The following CDK6 variants were observed in gnomAD, a reference collection of about 807,000 sequenced individuals.
The protein encoded by CDK6 is cyclin dependent kinase 6, also known as cyclin-dependent kinase 6.
CDK6 carries 6 observed loss-of-function variants against 37.1 expected under a neutral mutation model. The observed-to-expected ratio is 0.16, with a 90% CI of 0.09 to 0.32. The LOEUF (loss-of-function observed/expected upper bound fraction) is 0.32. Among genes scored for constraint, CDK6 ranks in the 10% least tolerant of loss-of-function variants. The pLI, the probability that CDK6 is intolerant of heterozygous loss-of-function variation, is 1.00. For missense variants in CDK6, 224 were observed against 418.9 expected (o/e 0.53, Z 4.06); for synonymous variants, 160 against 161.3 (o/e 0.99, Z 0.06).
chr7:92,658,177 T>C (rs1796747817), intron 5 of CDK6, among the ~76,000 whole-genome samples: 1 of 152,202 alleles, frequency 6.6e-6, no homozygotes, highest in Non-Finnish European at 1.5e-5. Context: ...TTGAAACTTT[T>C]TGCAGGGTAA....
chr7:92,672,822 C>T (rs1218656081), intron 4 of CDK6, among the ~76,000 whole-genome samples: 1 of 152,116 alleles, frequency 6.6e-6, no homozygotes, highest in African/African-American at 2.4e-5. Context: ...TATTTTGATG[C>T]TATATTACTT....
intron 5 of CDK6, among the ~76,000 whole-genome samples, chr7:92,639,668 T>C (rs1455186979): frequency 1.3e-5 from 2 of 152,202 alleles, no homozygotes; most frequent in Non-Finnish European, 2.9e-5. Flanking sequence ...GTTGTTTCGT[T>C]GTTATGGGTA....
chr7:92,836,119 A>G (rs747046617), intron 1 of CDK6, among the ~76,000 whole-genome samples: 2 of 151,800 alleles, frequency 1.3e-5, no homozygotes, highest in Non-Finnish European at 2.9e-5. Context: ...TGAGTGTCCG[A>G]GTAGAGTTCC....
chr7:92,763,280 T>C (rs1403176490), intron 3 of CDK6, among the ~76,000 whole-genome samples: 2 of 152,246 alleles, frequency 1.3e-5, no homozygotes, highest in African/African-American at 2.4e-5. Context: ...TAAAAACCTA[T>C]GACTATGATA....
At chr7:92,754,050 C>A (rs1284412097) in intron 3 of CDK6, among the ~76,000 whole-genome samples, 1 of 152,154 alleles carries the variant, frequency 6.6e-6, no homozygotes, top group African/African-American at 2.4e-5. Flanking sequence ...TCATCACTGA[C>A]AATCTCTCCA....
chr7:92,666,367 A>G (rs111954107), intron 5 of CDK6, among the ~76,000 whole-genome samples: 1 of 152,336 alleles, frequency 6.6e-6, no homozygotes, highest in African/African-American at 2.4e-5. Flanking sequence ...CTGGCATACA[A>G]CAGTCACTCC....
intron 5 of CDK6, among the ~76,000 whole-genome samples, chr7:92,633,877 G>A (rs889498959): frequency 6.6e-6 from 1 of 152,110 alleles, no homozygotes; most frequent in South Asian, 2.1e-4. Context: ...TGATAGGAAT[G>A]TAGTGTAGCT....
At chr7:92,801,785 C>T (rs1230077389) in intron 2 of CDK6, among the ~76,000 whole-genome samples, 1 of 152,084 alleles carries the variant, frequency 6.6e-6, no homozygotes, top group Non-Finnish European at 1.5e-5. Context: ...TCATGCCTGG[C>T]TAATTTTTGT....
At chr7:92,764,380 G>A (rs139178920) in intron 3 of CDK6, among the ~76,000 whole-genome samples, 39 of 152,192 alleles carry the variant, frequency 2.6e-4, no homozygotes, top group African/African-American at 3.9e-4. Context: ...CAAGTGATGC[G>A]TCCTCCTTGG....
At chr7:92,718,998 A>AT (rs1284024989) in intron 4 of CDK6, among the ~76,000 whole-genome samples, 2 of 152,050 alleles carry the variant, frequency 1.3e-5, no homozygotes, top group African/African-American at 4.8e-5. Context: ...CATTTCATTG[A>AT]TTTTCTCCCC....
At position 92,816,511 on chromosome 7, in the gene CDK6, C is replaced by G. The variant is rs572112763; in HGVS notation, c.233+16580G>C. On this transcript the variant is annotated intron_variant, in intron 2 of 7. Coordinates refer to ENST00000424848, the MANE Select transcript of CDK6 (RefSeq NM_001145306.2). Reference sequence around the variant, plus strand: ...AGACAGAAAGAAATTAGAAAAATCCCTTACATGTTTGGAAATTTAAGAATC... The same window carrying G: ...AGACAGAAAGAAATTAGAAAAATCCGTTACATGTTTGGAAATTTAAGAATC... 7.2e-5 allele frequency among the ~76,000 whole-genome samples: 11 copies of G among 152,096 alleles called. No homozygotes were observed. In the South Asian group the frequency reaches 2.1e-3, roughly 29 times the overall value.
At chr7:92,811,921 G>A (rs1800896389) in intron 2 of CDK6, among the ~76,000 whole-genome samples, 1 of 152,164 alleles carries the variant, frequency 6.6e-6, no homozygotes, top group Non-Finnish European at 1.5e-5. Context: ...GGGAGGCTAA[G>A]GCTGGAGGAT....
At chr7:92,630,107 C>T (rs1031132763) in intron 5 of CDK6, among the ~76,000 whole-genome samples, 5 of 152,002 alleles carry the variant, frequency 3.3e-5, no homozygotes, top group African/African-American at 1.2e-4. Context: ...GTCAGTAACA[C>T]GTCCTTCTTC....
At chr7:92,793,258 T>C (rs1800326051) in intron 2 of CDK6, among the ~76,000 whole-genome samples, 1 of 152,024 alleles carries the variant, frequency 6.6e-6, no homozygotes, top group African/African-American at 2.4e-5. Flanking sequence ...GATCCTAGAC[T>C]TCATATGATA....
At chr7:92,807,153 T>G (rs1800746687) in intron 2 of CDK6, among the ~76,000 whole-genome samples, 1 of 152,158 alleles carries the variant, frequency 6.6e-6, no homozygotes, top group Non-Finnish European at 1.5e-5. Flanking sequence ...GATCCAGAAG[T>G]TTTTGCCATA....
chr7:92,783,515 A>C (rs193224608), intron 2 of CDK6, among the ~76,000 whole-genome samples: 1 of 152,334 alleles, frequency 6.6e-6, no homozygotes, highest in East Asian at 1.9e-4. Flanking sequence ...CCTTTAAGAG[A>C]GTATTCATAA....
intron 2 of CDK6, among the ~76,000 whole-genome samples, chr7:92,805,798 G>C (rs1469233295): frequency 6.6e-6 from 1 of 152,128 alleles, no homozygotes; most frequent in Non-Finnish European, 1.5e-5. Context: ...CCTCTTTCTT[G>C]AGCTAGTTTC....
chr7:92,635,886 A>G (rs1161702349), intron 5 of CDK6, among the ~76,000 whole-genome samples: 2 of 152,198 alleles, frequency 1.3e-5, no homozygotes, highest in Admixed American at 6.5e-5. Flanking sequence ...GGTGAGGACT[A>G]TGGCTGAGAA....
At chr7:92,659,846 G>A (rs1420228894) in intron 5 of CDK6, among the ~76,000 whole-genome samples, 2 of 152,066 alleles carry the variant, frequency 1.3e-5, no homozygotes, top group African/African-American at 2.4e-5. Context: ...AGTGAATCTT[G>A]GACATCATCC....
Sources: gnomAD v4.1 joint callset for allele counts (sites outside exome capture counted in the v4.1 genomes callset) on GRCh38, gnomAD v4.1.1 for gene constraint, MANE v1.5 for transcripts, NCBI Gene and HGNC (gene_info 2026-07-23, HGNC 2026-07-21) for gene names.